GALNTL6: variants seen among roughly 807,000 people sequenced by gnomAD.
The protein encoded by GALNTL6 is polypeptide N-acetylgalactosaminyltransferase-like 6.
A neutral mutation model predicts 73.7 loss-of-function variants in GALNTL6; 46 were observed. The observed-to-expected ratio is 0.62, with a 90% CI of 0.49 to 0.80. The LOEUF is 0.80. Among genes scored for constraint, GALNTL6 ranks in the 30% least tolerant of loss-of-function variants. The probability of loss-of-function intolerance (pLI) is 0.00; values close to 1 mark genes in which losing one functional copy is unlikely to be tolerated. For synonymous variants in GALNTL6, 259 were observed against 263.7 expected, an observed-to-expected ratio of 0.98 and a Z score of 0.17; for missense variants, 604 against 755.0, an observed-to-expected ratio of 0.80 and a Z score of 2.34.
intron 3 of GALNTL6, among the ~76,000 whole-genome samples, chr4:172,241,395 A>G (rs183838944): frequency 3.6e-4 from 55 of 152,358 alleles, no homozygotes; most frequent in African/African-American, 1.3e-3. Flanking sequence ...AAGAAAAAAA[A>G]TGTAAAAGGA....
chr4:172,199,127 C>T (rs779165341), intron 2 of GALNTL6, among the ~76,000 whole-genome samples: 1 of 152,050 alleles, frequency 6.6e-6, no homozygotes, highest in South Asian at 2.1e-4. Context: ...ATCCTCCACT[C>T]CTGAAAAAAG....
intron 10 of GALNTL6, among the ~76,000 whole-genome samples, chr4:172,955,206 G>C (rs1477497178): frequency 6.6e-6 from 1 of 152,144 alleles, no homozygotes; most frequent in South Asian, 2.1e-4. Context: ...GGCTGGGCAC[G>C]GTGGTTCACG....
At chr4:172,523,046 C>T (rs1426701814) in intron 5 of GALNTL6, among the ~76,000 whole-genome samples, 1 of 152,142 alleles carries the variant, frequency 6.6e-6, no homozygotes, top group Non-Finnish European at 1.5e-5. Context: ...ATAATTTCAA[C>T]ACCTAAGCAC....
chr4:172,631,077 TAGACATTTAACA>T (rs1739375075), intron 5 of GALNTL6, among the ~76,000 whole-genome samples: 1 of 151,968 alleles, frequency 6.6e-6, no homozygotes. Context: ...TAAAATTCTT[TAGACATTTAACA>T]AGTACTGATT....
intron 7 of GALNTL6, among the ~76,000 whole-genome samples, chr4:172,841,726 G>A (rs1743220089): frequency 6.6e-6 from 1 of 152,090 alleles, no homozygotes; most frequent in Non-Finnish European, 1.5e-5. Flanking sequence ...ACAGCATGGG[G>A]GAAACCACCT....
chr4:172,786,562 C>T (rs1202461173), intron 5 of GALNTL6, among the ~76,000 whole-genome samples: 1 of 152,080 alleles, frequency 6.6e-6, no homozygotes, highest in Non-Finnish European at 1.5e-5. Flanking sequence ...TCAGACTAAA[C>T]CAGCAAACTC....
At chr4:172,342,520 C>G (rs766415579) in intron 4 of GALNTL6, among the ~76,000 whole-genome samples, 1 of 152,136 alleles carries the variant, frequency 6.6e-6, no homozygotes, top group Non-Finnish European at 1.5e-5. Context: ...GTTTAACTCT[C>G]TAAAACTCTG....
intron 5 of GALNTL6, among the ~76,000 whole-genome samples, chr4:172,469,155 T>TGA (rs1339913922): frequency 6.6e-6 from 1 of 152,068 alleles, no homozygotes; most frequent in African/African-American, 2.4e-5. Flanking sequence ...GGAATGGTCA[T>TGA]GAGAAGATTA....
chr4:172,548,842 T>C (rs1435444817), intron 5 of GALNTL6, among the ~76,000 whole-genome samples: 1 of 152,196 alleles, frequency 6.6e-6, no homozygotes, highest in Non-Finnish European at 1.5e-5. Flanking sequence ...TATGTATATG[T>C]TTTTCCAATA....
chr4:172,810,909 C>G (rs1560968414), intron 6 of GALNTL6, among the ~76,000 whole-genome samples: 1 of 151,900 alleles, frequency 6.6e-6, no homozygotes. Flanking sequence ...ATTTATGAAC[C>G]AAAGCAAATC....
At chr4:172,277,207 G>T (rs1287906397) in intron 3 of GALNTL6, among the ~76,000 whole-genome samples, 2 of 151,988 alleles carry the variant, frequency 1.3e-5, no homozygotes, top group African/African-American at 2.4e-5. Context: ...TATACTCAGT[G>T]AGGAGTGGAA....
intron 2 of GALNTL6, among the ~76,000 whole-genome samples, chr4:172,021,723 GT>G (rs1413736917): frequency 6.6e-6 from 1 of 151,998 alleles, no homozygotes; most frequent in Non-Finnish European, 1.5e-5. Context: ...AAAAGAGTTT[GT>G]TTCTAGCATA....
rs115108922 is a variant in GALNTL6 at position 172,034,169 on chromosome 4, A to C, written c.139-195487A>C. On this transcript the variant is annotated intron_variant, in intron 2 of 12. Transcript: ENST00000506823. The stretch of plus-strand genomic sequence containing the variant: ...ATTCTATATGTAATGTAATAAGTTA[A>C]TACGACACGTAAAATGCCACATCCC... Among the ~76,000 whole-genome samples the C allele has an allele frequency of 5.3e-3, 813 of 152,208 alleles. 8 individuals carry two copies. The highest frequency in any genetic ancestry group is 0.017 in the African/African-American group (694 of 41,562).
chr4:172,752,046 T>TA (rs5864166), intron 5 of GALNTL6, among the ~76,000 whole-genome samples: 62,114 of 134,948 alleles, frequency 0.46, 15,867 homozygotes, highest in East Asian at 0.68. Flanking sequence ...AACTTAAACT[T>TA]AAAAAAAAAA....
rs532335607 is a variant in GALNTL6 at position 172,471,680 on chromosome 4, T to C, written c.553+122991T>C. On this transcript the variant is annotated intron_variant, in intron 5 of 12. Coordinates refer to ENST00000506823, the MANE Select transcript of GALNTL6 (RefSeq NM_001034845.3). The stretch of plus-strand genomic sequence containing the variant: ...TTCTGTATATTATTTCAAATATTCA[T>C]TGAAACTGTAAAAATTAACTAACAG... Among the ~76,000 whole-genome samples, 59 of 152,340 alleles carry C rather than the reference T, an allele frequency of 3.9e-4. 1 individual carries two copies. Among genetic ancestry groups the C allele is most frequent in the African/African-American group, 1.3e-3 (55 of 41,572 alleles).
At chr4:172,224,101 A>G (rs1736774217) in intron 2 of GALNTL6, among the ~76,000 whole-genome samples, 1 of 152,052 alleles carries the variant, frequency 6.6e-6, no homozygotes, top group African/African-American at 2.4e-5. Flanking sequence ...AATGGAAATA[A>G]CTCAACTATC....
chr4:172,564,827 AAAC>A (rs1300513174), intron 5 of GALNTL6, among the ~76,000 whole-genome samples: 2 of 152,230 alleles, frequency 1.3e-5, no homozygotes, highest in African/African-American at 4.8e-5. Context: ...CGAGTAGATG[AAAC>A]AACGAGTTTC....
intron 7 of GALNTL6, among the ~76,000 whole-genome samples, chr4:172,872,894 T>C (rs903051496): frequency 6.6e-6 from 1 of 152,228 alleles, no homozygotes; most frequent in Non-Finnish European, 1.5e-5. Context: ...TTTATCTTTG[T>C]TTCCATGGCA....
chr4:172,392,679 C>T (rs750017230), intron 5 of GALNTL6, among the ~76,000 whole-genome samples: 7 of 152,138 alleles, frequency 4.6e-5, no homozygotes, highest in Non-Finnish European at 1.0e-4. Context: ...GTGTTTCTTG[C>T]TCTTGCAGAT....
Sources: gnomAD v4.1 joint callset for allele counts (sites outside exome capture counted in the v4.1 genomes callset) on GRCh38, gnomAD v4.1.1 for gene constraint, MANE v1.5 for transcripts, NCBI Gene and HGNC (gene_info 2026-07-23, HGNC 2026-07-21) for gene names.